Variants in CBR4 observed in about 807,000 individuals in gnomAD.
CBR4 encodes the protein carbonyl reductase 4, also known as 3-oxoacyl-[acyl-carrier-protein] reductase.
CBR4 carries 22 observed loss-of-function variants against 21.0 expected under a neutral mutation model. That is an observed-to-expected ratio of 1.05 (90% CI 0.75 to 1.50). The LOEUF (loss-of-function observed/expected upper bound fraction) is 1.50, where lower values mean the gene tolerates loss of function less well. Ranked by LOEUF, CBR4 falls within the 40% of genes most tolerant of loss-of-function variation. CBR4 has a pLI of 0.00. For missense variants in CBR4, 302 were observed against 286.3 expected (o/e 1.05, Z -0.40); for synonymous variants, 100 against 104.4 (o/e 0.96, Z 0.26).
chr4:168,913,966 G>A lies in CBR4; in HGVS notation n.170-19201C>T. 1 of 1,613,422 alleles carries A rather than the reference G, an allele frequency of 6.2e-7. No individual in the cohort carries two copies. Among genetic ancestry groups the A allele is most frequent in the Non-Finnish European group, 8.5e-7 (1 of 1,179,360 alleles). On this transcript the variant is annotated intron_variant and non_coding_transcript_variant, in intron 2 of 3. Transcript: ENST00000509108. ...TACTGGACGGCTAATGGTACAGGCT[G>A]TCAACCAAAGAGGTCGAAGTCCCCG...
downstream of CBR4, among the ~76,000 whole-genome samples, chr4:168,984,893 C>A (rs915466708): frequency 6.6e-6 from 1 of 152,096 alleles, no homozygotes; most frequent in Admixed American, 6.6e-5. Flanking sequence ...CTGCCTTTCA[C>A]CATACACAAA....
chr4:169,000,885 G>A (rs568404440), intron 4 of CBR4, among the ~76,000 whole-genome samples: 1 of 152,234 alleles, frequency 6.6e-6, no homozygotes, highest in African/African-American at 2.4e-5. Context: ...AAAATGGGAG[G>A]TTCCAGATAG....
At chr4:168,933,676 C>G (rs1210357212) in intron 2 of CBR4, among the ~76,000 whole-genome samples, 1 of 152,118 alleles carries the variant, frequency 6.6e-6, no homozygotes, top group African/African-American at 2.4e-5. Flanking sequence ...TAACAGACAC[C>G]TACAGAACAT....
downstream of CBR4, among the ~76,000 whole-genome samples, chr4:168,984,427 AT>A (rs1381066214): frequency 6.6e-6 from 1 of 152,200 alleles, no homozygotes; most frequent in Non-Finnish European, 1.5e-5. Context: ...TGAAAAAAAA[AT>A]ATTCTATGCT....
At chr4:168,901,603 A>T (rs1460058569) in intron 2 of CBR4, among the ~76,000 whole-genome samples, 1 of 152,220 alleles carries the variant, frequency 6.6e-6, no homozygotes, top group Non-Finnish European at 1.5e-5. Flanking sequence ...CACACCTGGA[A>T]TCCCAGCACT....
At chr4:168,935,590 A>G (rs937516907) in intron 2 of CBR4, among the ~76,000 whole-genome samples, 6 of 152,222 alleles carry the variant, frequency 3.9e-5, no homozygotes, top group Admixed American at 1.3e-4. Context: ...GGTGTCTGCC[A>G]TTACTGAGGC....
At chr4:168,972,195 G>C (rs922476755) in intron 2 of CBR4, among the ~76,000 whole-genome samples, 1 of 152,168 alleles carries the variant, frequency 6.6e-6, no homozygotes, top group Admixed American at 6.5e-5. Context: ...CTGTAGTATA[G>C]TTTGAAGTCG....
Position 168,948,278 on chromosome 4 carries a change from C to A in CBR4, n.170-53513G>T, listed in dbSNP as rs530239299. 2.2e-4 allele frequency among the ~76,000 whole-genome samples: 33 copies of A among 152,238 alleles called. No individual in the cohort carries two copies. In the East Asian group the frequency reaches 4.4e-3, roughly 20 times the overall value. On this transcript the variant is annotated intron_variant and non_coding_transcript_variant, in intron 2 of 3. Transcript: ENST00000509108. Reference sequence around the variant, plus strand: ...TAGATTCTGGATATTAGTCCTTTGTCAGATGTATACATTGTGAAGATTTTC... The same window carrying A: ...TAGATTCTGGATATTAGTCCTTTGTAAGATGTATACATTGTGAAGATTTTC...
chr4:168,939,448 G>C (rs1032541241), intron 2 of CBR4, among the ~76,000 whole-genome samples: 1 of 152,094 alleles, frequency 6.6e-6, no homozygotes, highest in Non-Finnish European at 1.5e-5. Flanking sequence ...TTCTGGACAG[G>C]GCAATCAGGC....
At chr4:168,974,369 C>T (rs1764306235) in intron 2 of CBR4, among the ~76,000 whole-genome samples, 2 of 152,156 alleles carry the variant, frequency 1.3e-5, no homozygotes, top group Admixed American at 1.3e-4. Flanking sequence ...CTTTTGATAA[C>T]CTGATGACCA....
At chr4:168,947,567 C>T (rs915449097) in intron 2 of CBR4, among the ~76,000 whole-genome samples, 3 of 152,158 alleles carry the variant, frequency 2.0e-5, no homozygotes, top group African/African-American at 7.2e-5. Flanking sequence ...TCCCCTAAGT[C>T]CACTGTGTCA....
At chr4:168,945,610 G>A (rs995841618) in intron 2 of CBR4, among the ~76,000 whole-genome samples, 23 of 151,968 alleles carry the variant, frequency 1.5e-4, no homozygotes, top group African/African-American at 9.7e-5. Flanking sequence ...ATCCTTCCCC[G>A]TGTGAGAATG....
chr4:168,944,499 T>TA (rs924541731), intron 2 of CBR4, among the ~76,000 whole-genome samples: 6 of 150,290 alleles, frequency 4.0e-5, no homozygotes, highest in South Asian at 2.1e-4. Context: ...GAAGAAAATT[T>TA]AAAAAAAAGA....
chr4:169,002,740 A>ATTT (rs34433008), intron 3 of CBR4, among the ~76,000 whole-genome samples: 6 of 142,472 alleles, frequency 4.2e-5, no homozygotes, highest in Non-Finnish European at 6.2e-5. Flanking sequence ...CAGATATTGC[A>ATTT]TTTTTTTTTT....
rs1463050933 is a variant in CBR4 at position 168,990,421 on chromosome 4, T to TA, written c.536-94dup. On this transcript the variant is annotated intron_variant, in intron 4 of 4. Transcript: ENST00000306193. ...ATAATAAATTTGTTTCTGAAAATTTTAATTTGAAATTATTTAAAAAAAAAT... is the reference window on the plus strand; with the variant it reads ...ATAATAAATTTGTTTCTGAAAATTTTAAATTTGAAATTATTTAAAAAAAAAT... 5 of 1,240,412 alleles carry TA rather than the reference T, an allele frequency of 4.0e-6. No homozygotes were observed. In the African/African-American group the frequency reaches 6.3e-5, roughly 16 times the overall value. 76.8% of individuals were successfully genotyped at this position (1,240,412 alleles called of 1,614,324 possible). A position where few individuals can be genotyped will look rare whatever the true frequency, so the allele number is the denominator to read the frequency against.
chr4:168,940,558 G>T (rs1009293723), intron 2 of CBR4, among the ~76,000 whole-genome samples: 1 of 151,924 alleles, frequency 6.6e-6, no homozygotes, highest in African/African-American at 2.4e-5. Context: ...AAGGGCTAAT[G>T]TCCAGAATCT....
chr4:168,900,735 A>T (rs1452716490), intron 2 of CBR4, among the ~76,000 whole-genome samples: 1 of 152,210 alleles, frequency 6.6e-6, no homozygotes, highest in African/African-American at 2.4e-5. Flanking sequence ...AATAAACTCC[A>T]TTGTTATAGA....
intron 2 of CBR4, chr4:168,903,709 G>A (rs746241917): frequency 5.5e-6 from 8 of 1,457,352 alleles, no homozygotes; most frequent in Non-Finnish European, 6.7e-6. Context: ...TCCAAATAGA[G>A]TAGGAATACA....
chr4:168,952,206 T>C (rs1370318301), intron 2 of CBR4, among the ~76,000 whole-genome samples: 3 of 152,216 alleles, frequency 2.0e-5, no homozygotes, highest in Non-Finnish European at 4.4e-5. Flanking sequence ...TTCAATTCTA[T>C]TGCTGAGATT....
Sources: allele counts gnomAD v4.1 joint callset (sites outside exome capture counted in the v4.1 genomes callset), GRCh38; gene constraint gnomAD v4.1.1; transcripts MANE v1.5; gene names NCBI Gene and HGNC (gene_info 2026-07-23, HGNC 2026-07-21).